SLC5A4: variants seen among roughly 807,000 people sequenced by gnomAD.
The protein encoded by SLC5A4 is solute carrier family 5 member 4, also known as probable glucose sensor protein SLC5A4.
A neutral mutation model predicts 70.3 loss-of-function variants in SLC5A4; 55 were observed. That is an observed-to-expected ratio of 0.78 (90% CI 0.63 to 0.98). The LOEUF is 0.98. Ranked by LOEUF, SLC5A4 falls within the 50% of genes least tolerant of loss-of-function variation. The pLI, the probability that SLC5A4 is intolerant of heterozygous loss-of-function variation, is 0.00. For missense variants in SLC5A4, 735 were observed against 839.2 expected (o/e 0.88, Z 1.53); for synonymous variants, 268 against 305.7 (o/e 0.88, Z 1.29).
At chr22:32,237,156 G>A in intron 7 of SLC5A4, 88 bp downstream of exon 7, 5 of 855,586 alleles carry the variant, frequency 5.8e-6, no homozygotes, top group Non-Finnish European at 9.7e-6. Context: ...GGAACTGGAA[G>A]GCATCCCAAT....
chr22:32,220,564 G>C (rs1925015776), intron 14 of SLC5A4, among the ~76,000 whole-genome samples: 1 of 152,162 alleles, frequency 6.6e-6, no homozygotes, highest in Non-Finnish European at 1.5e-5. Context: ...TGGAATAGAG[G>C]GTATGTTAGA....
intron 6 of SLC5A4, among the ~76,000 whole-genome samples, chr22:32,238,331 T>C (rs952546864): frequency 2.0e-5 from 3 of 152,152 alleles, no homozygotes; most frequent in Non-Finnish European, 2.9e-5. Context: ...TTTTGGAGAG[T>C]TGGTCTCTCT....
the SLC5A4 span, among the ~76,000 whole-genome samples, chr22:32,314,490 A>C: frequency 3.9e-5 from 6 of 152,224 alleles, no homozygotes; most frequent in African/African-American, 1.4e-4. Context: ...GTCAACAGAA[A>C]AACATGTTGA....
At chr22:32,350,497 A>G in the SLC5A4 span, among the ~76,000 whole-genome samples, 1 of 152,176 alleles carries the variant, frequency 6.6e-6, no homozygotes, top group Non-Finnish European at 1.5e-5. Flanking sequence ...TTCTACCCCT[A>G]TATATCTCAA....
In SLC5A4 at chr22:32,247,465, G is replaced by A. The variant is rs772703741; in HGVS notation, c.423C>T (p.Leu141=). ...GGGAGAGGATGGAGAGGTAGACCTG[G>A]AGTCGCTCCCCACCAAACCGCTTCT... ...YLKKRFGGER[L]QVYLSILSLF... is the part of the protein sequence containing the mutation. The change falls in exon 5 of 15, where the codon CTC becomes CTT. Residue 141 remains leucine (L), a synonymous_variant. Coordinates refer to ENST00000266086, the MANE Select transcript of SLC5A4 (RefSeq NM_014227.3). The A allele has an allele frequency of 1.3e-5, 21 of 1,614,040 alleles. No individual in the cohort carries two copies. The South Asian group carries it at 2.3e-4, about 18-fold the overall frequency.
At chr22:32,273,321 G>C in the SLC5A4 span, 1 of 217,692 alleles carries the variant, frequency 4.6e-6, no homozygotes, top group Non-Finnish European at 9.3e-6. Context: ...CCATTACAGA[G>C]ACATCTGTTG....
the SLC5A4 span, among the ~76,000 whole-genome samples, chr22:32,322,699 G>A: frequency 6.6e-6 from 1 of 152,312 alleles, no homozygotes; most frequent in East Asian, 1.9e-4. Context: ...GCACAAATGG[G>A]TTCTGAGAAG....
intron 5 of SLC5A4, among the ~76,000 whole-genome samples, chr22:32,242,410 G>A (rs141135238): frequency 6.6e-6 from 1 of 152,192 alleles, no homozygotes; most frequent in African/African-American, 2.4e-5. Context: ...CAAATGTGGT[G>A]TAAGTATCAA....
the SLC5A4 span, among the ~76,000 whole-genome samples, chr22:32,301,959 T>C: frequency 6.6e-6 from 1 of 152,134 alleles, no homozygotes; most frequent in Non-Finnish European, 1.5e-5. Flanking sequence ...GTTGGACCTC[T>C]ACCTTCCCAT....
chr22:32,304,140 C>G, the SLC5A4 span, among the ~76,000 whole-genome samples: 8 of 151,654 alleles, frequency 5.3e-5, no homozygotes, highest in East Asian at 1.5e-3. Flanking sequence ...CTTTTCCTTT[C>G]TTTTTTTTGA....
At chr22:32,310,160 G>A in the SLC5A4 span, among the ~76,000 whole-genome samples, 1 of 152,138 alleles carries the variant, frequency 6.6e-6, no homozygotes, top group Non-Finnish European at 1.5e-5. Flanking sequence ...AGCTCTGTCT[G>A]TTTGGCAGTG....
the SLC5A4 span, among the ~76,000 whole-genome samples, chr22:32,352,445 C>A: frequency 6.6e-6 from 1 of 151,430 alleles, no homozygotes; most frequent in Non-Finnish European, 1.5e-5. Context: ...TGACAAAAAA[C>A]CAAGCAAAAT....
At chr22:32,297,999 T>C in the SLC5A4 span, among the ~76,000 whole-genome samples, 1 of 97,360 alleles carries the variant, frequency 1.0e-5, no homozygotes, top group African/African-American at 4.0e-5. Context: ...TCTAGTTTGA[T>C]TGCACTGTGG....
the SLC5A4 span, among the ~76,000 whole-genome samples, chr22:32,296,930 G>T: frequency 1.0e-5 from 1 of 99,498 alleles, no homozygotes; most frequent in East Asian, 3.1e-4. Context: ...TTTTGTCTTT[G>T]GCTCTGTTTA....
intron 7 of SLC5A4, among the ~76,000 whole-genome samples, chr22:32,235,912 C>CT (rs1490326238): frequency 6.6e-6 from 1 of 152,204 alleles, no homozygotes. Context: ...AAGGCAGGAA[C>CT]TTAGCCGAGT....
chr22:32,218,760 C>G, intron 14 of SLC5A4, 35 bp from the exon 15 acceptor site: 8 of 1,518,394 alleles, frequency 5.3e-6, no homozygotes, highest in Non-Finnish European at 7.3e-6. Context: ...TGCAGAAGAT[C>G]TAGATCACAA....
the SLC5A4 span, among the ~76,000 whole-genome samples, chr22:32,307,482 G>A: frequency 1.3e-5 from 2 of 152,290 alleles, no homozygotes; most frequent in South Asian, 4.1e-4. Context: ...TCCCAGAAGG[G>A]CCCTGGGTAC....
At chr22:32,305,587 G>A in the SLC5A4 span, among the ~76,000 whole-genome samples, 2 of 148,338 alleles carry the variant, frequency 1.3e-5, no homozygotes, top group African/African-American at 2.5e-5. Context: ...TGGGCTGCAA[G>A]ATCTGGTGCC....
the SLC5A4 span, among the ~76,000 whole-genome samples, chr22:32,303,513 C>CT: frequency 6.6e-6 from 1 of 152,290 alleles, no homozygotes; most frequent in African/African-American, 2.4e-5. Context: ...AGAAGGAGGA[C>CT]TTTGAGTTCT....
Sources: allele counts gnomAD v4.1 joint callset (sites outside exome capture counted in the v4.1 genomes callset), GRCh38; gene constraint gnomAD v4.1.1; transcripts MANE v1.5; gene names NCBI Gene and HGNC (gene_info 2026-07-23, HGNC 2026-07-21).